Variants in ZCWPW2 observed in about 807,000 individuals in gnomAD.
ZCWPW2 encodes the protein zinc finger CW-type and PWWP domain containing 2.
Under a neutral mutation model 46.6 loss-of-function variants are expected in ZCWPW2, and 45 were observed. That is an observed-to-expected ratio of 0.96 (90% CI 0.76 to 1.24). The LOEUF (loss-of-function observed/expected upper bound fraction) is 1.24, where lower values mean the gene tolerates loss of function less well. ZCWPW2 is among the 50% of genes most tolerant of loss of function. ZCWPW2 has a pLI of 0.00. For missense variants in ZCWPW2, 429 were observed against 403.9 expected, an observed-to-expected ratio of 1.06 and a Z score of -0.53; for synonymous variants, 152 against 137.1, an observed-to-expected ratio of 1.11 and a Z score of -0.76.
intron 4 of ZCWPW2, among the ~76,000 whole-genome samples, chr3:28,474,017 G>C (rs1699136282): frequency 6.6e-6 from 1 of 152,152 alleles, no homozygotes; most frequent in South Asian, 2.1e-4. Context: ...AATAACTAAA[G>C]AGTATAATTG....
At chr3:28,368,742 C>A (rs1477597508) in intron 1 of ZCWPW2, among the ~76,000 whole-genome samples, 1 of 152,194 alleles carries the variant, frequency 6.6e-6, no homozygotes, top group South Asian at 2.1e-4. Flanking sequence ...TGGATAATAT[C>A]CCGCAGAGTG....
chr3:28,525,594 A>G lies in ZCWPW2; in HGVS notation c.*906A>G, dbSNP rs1435883951. ...GAGAGAAGAAGTGCACGAGAGCATC[A>G]CCACAGCGGTGAATTTTATTGTGAG... On this transcript the variant is annotated 3_prime_UTR_variant, in exon 10 of 10. Transcript: ENST00000383768. Among the ~76,000 whole-genome samples, 2 of 152,156 alleles carry G rather than the reference A, an allele frequency of 1.3e-5. No homozygotes were observed. The highest frequency in any genetic ancestry group is 1.5e-5 in the Non-Finnish European group (1 of 68,016).
At chr3:28,349,233 T>C (rs1704427473) in intron 1 of ZCWPW2, 30 bp downstream of exon 1, 4 of 983,010 alleles carry the variant, frequency 4.1e-6, no homozygotes, top group Admixed American at 6.1e-5. Context: ...TCTTGTCTGT[T>C]GGGCCGAGGT....
chr3:28,406,759 G>T (rs1008879097), intron 2 of ZCWPW2, among the ~76,000 whole-genome samples: 2 of 151,546 alleles, frequency 1.3e-5, no homozygotes, highest in African/African-American at 4.8e-5. Flanking sequence ...TGTTCTAACA[G>T]CTCAGCTCAA....
In ZCWPW2 at chr3:28,413,223, T is replaced by A; in HGVS notation, c.155T>A (p.Val52Asp). The A allele has an allele frequency of 6.2e-7, 1 of 1,613,368 alleles. No homozygotes were observed. Among genetic ancestry groups the A allele is most frequent in the Non-Finnish European group, 8.5e-7 (1 of 1,179,558 alleles). ...RLLSSEDSAK[V>D]DHDEPWYCFM... is the part of the protein sequence containing the mutation. ...TTATCAAGTGAGGATTCAGCCAAGG[T>A]TGATCATGATGAACCATGGTACTGC... is the stretch of plus-strand genomic sequence containing the variant. The change falls in exon 3 of 10, where the codon GTT becomes GAT. Residue 52 changes from valine (V) to aspartate (D), a missense_variant. Physicochemically the swap from Val to Asp is radical, Grantham distance 152. Transcript: ENST00000383768.
At chr3:28,413,431 A>C in intron 3 of ZCWPW2, 31 bp downstream of exon 3, 1 of 1,540,132 alleles carries the variant, frequency 6.5e-7, no homozygotes, top group East Asian at 2.3e-5. Context: ...TGACTTTTGA[A>C]ATGTAGTCTT....
intron 2 of ZCWPW2, among the ~76,000 whole-genome samples, chr3:28,403,170 TC>T (rs1696017842): frequency 6.6e-6 from 1 of 152,110 alleles, no homozygotes; most frequent in African/African-American, 2.4e-5. Flanking sequence ...TCCAGAAAGT[TC>T]CTAGAACTGA....
chr3:28,424,998 T>A (rs1211759650), intron 3 of ZCWPW2, among the ~76,000 whole-genome samples: 1 of 152,264 alleles, frequency 6.6e-6, no homozygotes, highest in Non-Finnish European at 1.5e-5. Flanking sequence ...TATTCTCTAA[T>A]GAAAATTCTG....
chr3:28,382,242 C>T (rs1695133305), intron 1 of ZCWPW2, among the ~76,000 whole-genome samples: 1 of 151,714 alleles, frequency 6.6e-6, no homozygotes, highest in African/African-American at 2.4e-5. Context: ...CTGAGATCAA[C>T]CCTGTTGACA....
At chr3:28,439,769 A>G (rs1697671772) in intron 4 of ZCWPW2, among the ~76,000 whole-genome samples, 1 of 152,246 alleles carries the variant, frequency 6.6e-6, no homozygotes, top group Admixed American at 6.5e-5. Context: ...ATGTCACATG[A>G]TAAAGGAAAA....
At chr3:28,417,714 C>T (rs573233249) in intron 3 of ZCWPW2, among the ~76,000 whole-genome samples, 18 of 116,410 alleles carry the variant, frequency 1.5e-4, no homozygotes, top group African/African-American at 4.8e-4. Context: ...GTTCAACATA[C>T]GAAAATCAAT....
chr3:28,350,073 C>T (rs1704483784), intron 1 of ZCWPW2, among the ~76,000 whole-genome samples: 1 of 152,180 alleles, frequency 6.6e-6, no homozygotes, highest in Non-Finnish European at 1.5e-5. Flanking sequence ...CTTCAATTTA[C>T]TGGGCTGGAG....
intron 2 of ZCWPW2, among the ~76,000 whole-genome samples, chr3:28,390,994 C>T (rs942675802): frequency 2.0e-5 from 3 of 152,044 alleles, no homozygotes; most frequent in East Asian, 1.9e-4. Flanking sequence ...TGAGAGGTAC[C>T]AGGCTAGACT....
At chr3:28,462,606 T>TTATTACCTCATAACTTGAA (rs1698680859) in intron 4 of ZCWPW2, among the ~76,000 whole-genome samples, 1 of 152,184 alleles carries the variant, frequency 6.6e-6, no homozygotes, top group Non-Finnish European at 1.5e-5. Context: ...TAATATGACA[T>TTATTACCTCATAACTTGAA]TGCTTATACA....
intron 7 of ZCWPW2, among the ~76,000 whole-genome samples, chr3:28,514,438 T>G (rs1333088969): frequency 6.6e-6 from 1 of 152,134 alleles, no homozygotes; most frequent in Admixed American, 6.5e-5. Flanking sequence ...CAGAAGCACA[T>G]GAAATGCAAA....
In ZCWPW2 at chr3:28,436,322, TC is replaced by T. The variant is rs1334546688; in HGVS notation, c.492+1054del. ...CTCAATTTGAATATTTTCTTTTTTT[TC>T]TTTTTTTTTTTTTTTTTTGTGATGG... On this transcript the variant is annotated intron_variant, in intron 4 of 9. Coordinates refer to ENST00000383768, the MANE Select transcript of ZCWPW2 (RefSeq NM_001040432.4). 1.4e-4 allele frequency among the ~76,000 whole-genome samples: 17 copies of T among 119,798 alleles called. No homozygotes were observed. In the South Asian group the frequency reaches 3.7e-3, roughly 26 times the overall value. 78.6% of individuals were successfully genotyped at this position (119,798 alleles called of 152,430 possible). A position where few individuals can be genotyped will look rare whatever the true frequency, so the allele number is the denominator to read the frequency against.
intron 4 of ZCWPW2, among the ~76,000 whole-genome samples, chr3:28,455,094 C>T (rs1183786475): frequency 2.6e-5 from 4 of 152,194 alleles, no homozygotes; most frequent in African/African-American, 7.2e-5. Flanking sequence ...AATTTACATT[C>T]CCACCATCAG....
At chr3:28,370,233 C>T (rs1438814401) in intron 1 of ZCWPW2, among the ~76,000 whole-genome samples, 10 of 152,194 alleles carry the variant, frequency 6.6e-5, no homozygotes, top group East Asian at 3.9e-4. Flanking sequence ...AGAAATCACC[C>T]GTCTTCTGCA....
At chr3:28,488,527 C>T (rs1224774649) in intron 5 of ZCWPW2, among the ~76,000 whole-genome samples, 1 of 152,028 alleles carries the variant, frequency 6.6e-6, no homozygotes, top group African/African-American at 2.4e-5. Flanking sequence ...CATGAATACA[C>T]AAGGTTTAAA....
Sources: allele counts gnomAD v4.1 joint callset (sites outside exome capture counted in the v4.1 genomes callset), GRCh38; gene constraint gnomAD v4.1.1; transcripts MANE v1.5; gene names NCBI Gene and HGNC (gene_info 2026-07-23, HGNC 2026-07-21).